NKAIN3: variants seen among roughly 807,000 people sequenced by gnomAD.
NKAIN3 encodes the protein sodium/potassium transporting ATPase interacting 3, also known as sodium/potassium-transporting ATPase subunit beta-1-interacting protein 3.
NKAIN3 carries 25 observed loss-of-function variants against 30.2 expected under a neutral mutation model. That is an observed-to-expected ratio of 0.83 (90% CI 0.60 to 1.16). The LOEUF (loss-of-function observed/expected upper bound fraction) is 1.16. Ranked by LOEUF, NKAIN3 falls within the 50% of genes most tolerant of loss-of-function variation. The pLI is 0.00. For synonymous variants in NKAIN3, 91 were observed against 89.6 expected, an observed-to-expected ratio of 1.02 and a Z score of -0.09; for missense variants, 225 against 254.1, an observed-to-expected ratio of 0.89 and a Z score of 0.78.
chr8:62,347,160 G>T (rs1816030727), intron 1 of NKAIN3, among the ~76,000 whole-genome samples: 1 of 152,112 alleles, frequency 6.6e-6, no homozygotes, highest in Admixed American at 6.6e-5. Context: ...TGTAAGTTCA[G>T]TTTACTAAAA....
At chr8:62,289,755 G>A (rs1016922933) in intron 1 of NKAIN3, among the ~76,000 whole-genome samples, 3 of 152,152 alleles carry the variant, frequency 2.0e-5, no homozygotes, top group African/African-American at 7.2e-5. Context: ...GAACTTTAAA[G>A]TAGTTTTTTC....
At chr8:62,306,536 TTGTGTGTGTGTGTGTGTGTGTGTG>T (rs10552182) in intron 1 of NKAIN3, among the ~76,000 whole-genome samples, 4 of 135,968 alleles carry the variant, frequency 2.9e-5, no homozygotes, top group African/African-American at 1.2e-4. Context: ...TTTGAAGGCT[TTGTGTGTGTGTGTGTGTGTGTGTG>T]TGTGTGTGTG....
intron 1 of NKAIN3, among the ~76,000 whole-genome samples, chr8:62,533,355 T>C (rs900950867): frequency 2.0e-5 from 3 of 152,216 alleles, no homozygotes; most frequent in African/African-American, 7.2e-5. Flanking sequence ...ATGGCCCAGC[T>C]GCAGTGGAAC....
chr8:62,614,515 T>C (rs1811390245), intron 3 of NKAIN3, among the ~76,000 whole-genome samples: 1 of 152,094 alleles, frequency 6.6e-6, no homozygotes, highest in South Asian at 2.1e-4. Flanking sequence ...CTACTGCCTA[T>C]GTTTACTTAA....
At chr8:62,933,823 G>A (rs930831578) in intron 5 of NKAIN3, among the ~76,000 whole-genome samples, 2 of 152,138 alleles carry the variant, frequency 1.3e-5, no homozygotes, top group Non-Finnish European at 2.9e-5. Context: ...ATTTTCTCCT[G>A]AATAAAAGGT....
At chr8:62,370,655 T>C (rs942536963) in intron 1 of NKAIN3, among the ~76,000 whole-genome samples, 8 of 152,098 alleles carry the variant, frequency 5.3e-5, no homozygotes, top group Middle Eastern at 3.4e-3. Context: ...TCAATATTAT[T>C]AAGGAATTTT....
At chr8:62,613,058 A>C (rs1811343092) in intron 3 of NKAIN3, among the ~76,000 whole-genome samples, 1 of 152,114 alleles carries the variant, frequency 6.6e-6, no homozygotes, top group Admixed American at 6.6e-5. Flanking sequence ...TTTACACACC[A>C]CAGTTACAGT....
intron 1 of NKAIN3, among the ~76,000 whole-genome samples, chr8:62,356,062 C>T (rs1816345339): frequency 6.6e-6 from 1 of 152,150 alleles, no homozygotes; most frequent in Non-Finnish European, 1.5e-5. Context: ...AAATCCAGGT[C>T]ACATTTCTTT....
At chr8:62,353,214 A>C (rs1816236059) in intron 1 of NKAIN3, among the ~76,000 whole-genome samples, 1 of 152,344 alleles carries the variant, frequency 6.6e-6, no homozygotes, top group Admixed American at 6.5e-5. Context: ...TTTTACAAAA[A>C]AATAAAAAAA....
chr8:62,590,458 C>CT (rs536962164), intron 3 of NKAIN3, among the ~76,000 whole-genome samples: 87 of 151,972 alleles, frequency 5.7e-4, no homozygotes, highest in African/African-American at 2.0e-3. Flanking sequence ...GTAAGAACAA[C>CT]TTAAGTTTCT....
chr8:62,634,468 T>A lies in NKAIN3; in HGVS notation c.273+44674T>A, dbSNP rs73264835. 9.4e-3 allele frequency among the ~76,000 whole-genome samples: 1,435 copies of A among 152,302 alleles called. 24 individuals are homozygous for A. The highest frequency in any genetic ancestry group is 0.032 in the African/African-American group (1,341 of 41,570). On this transcript the variant is annotated intron_variant, in intron 3 of 6. Transcript: ENST00000623646. Reference sequence around the variant, plus strand: ...ACAGCTGCAACAACCAATTAAAGGCTTCTTCCCTGGCAATACTTGTTCGTC... The same window carrying A: ...ACAGCTGCAACAACCAATTAAAGGCATCTTCCCTGGCAATACTTGTTCGTC...
At chr8:62,893,168 T>A (rs1413120115) in intron 4 of NKAIN3, among the ~76,000 whole-genome samples, 1 of 152,158 alleles carries the variant, frequency 6.6e-6, no homozygotes, top group African/African-American at 2.4e-5. Flanking sequence ...TCAGGGCAAC[T>A]TGCTCACCTC....
rs894017727 is a variant in NKAIN3 at position 62,973,944 on chromosome 8, T to C, written c.*8537T>C. Among the ~76,000 whole-genome samples, 4 of 152,224 alleles carry C rather than the reference T, an allele frequency of 2.6e-5. No homozygotes were observed. The highest frequency in any genetic ancestry group is 1.3e-4 in the Admixed American group (2 of 15,286). On this transcript the variant is annotated 3_prime_UTR_variant, in exon 7 of 7. Transcript: ENST00000623646. ...GAAATCCTTTCCCCATTGCTTGTTT[T>C]TATCAGGTTTGTCAAAGATCAGATG...
chr8:62,776,355 C>T (rs2130645184), intron 4 of NKAIN3, among the ~76,000 whole-genome samples: 1 of 152,086 alleles, frequency 6.6e-6, no homozygotes, highest in East Asian at 1.9e-4. Context: ...GTGACCTTCT[C>T]TTTCTTCTTC....
intron 1 of NKAIN3, among the ~76,000 whole-genome samples, chr8:62,501,895 T>C (rs1316901521): frequency 1.3e-5 from 2 of 152,216 alleles, no homozygotes; most frequent in South Asian, 2.1e-4. Context: ...TGATGAGTCA[T>C]GCCTGGGATA....
chr8:62,612,672 G>A (rs893403052), intron 3 of NKAIN3, among the ~76,000 whole-genome samples: 2 of 151,692 alleles, frequency 1.3e-5, no homozygotes, highest in African/African-American at 4.8e-5. Context: ...TTGTTTTGCG[G>A]TCTCTTCTTC....
intron 4 of NKAIN3, among the ~76,000 whole-genome samples, chr8:62,796,789 T>TACACACACATACACACAC: frequency 6.8e-6 from 1 of 146,160 alleles, no homozygotes; most frequent in Non-Finnish European, 1.5e-5. Flanking sequence ...GTATCACACA[T>TACACACACATACACACAC]ACACACACAC....
At chr8:62,828,145 C>T (rs1360219015) in intron 4 of NKAIN3, among the ~76,000 whole-genome samples, 1 of 151,978 alleles carries the variant, frequency 6.6e-6, no homozygotes, top group Non-Finnish European at 1.5e-5. Flanking sequence ...TTGTAAGCAG[C>T]CAGTCTGAAA....
intron 1 of NKAIN3, among the ~76,000 whole-genome samples, chr8:62,296,259 G>C (rs1406174692): frequency 6.6e-6 from 1 of 152,202 alleles, no homozygotes; most frequent in Non-Finnish European, 1.5e-5. Flanking sequence ...AGGTGAGGGA[G>C]AGTGAAAAGT....
Sources: allele counts gnomAD v4.1 joint callset (sites outside exome capture counted in the v4.1 genomes callset), GRCh38; gene constraint gnomAD v4.1.1; transcripts MANE v1.5; gene names NCBI Gene and HGNC (gene_info 2026-07-23, HGNC 2026-07-21).